SLC25A21: variants seen among roughly 807,000 people sequenced by gnomAD.
The protein encoded by SLC25A21 is solute carrier family 25 member 21.
In SLC25A21, 47 loss-of-function variants were observed where a neutral mutation model predicts 43.8. The observed-to-expected ratio is 1.07, with a 90% confidence interval of 0.85 to 1.37. The LOEUF is 1.37. SLC25A21 is among the 40% of genes most tolerant of loss of function. The probability of loss-of-function intolerance (pLI) is 0.00; values close to 1 mark genes in which losing one functional copy is unlikely to be tolerated. For synonymous variants in SLC25A21, 131 were observed against 121.3 expected, an observed-to-expected ratio of 1.08 and a Z score of -0.52; for missense variants, 352 against 350.2, an observed-to-expected ratio of 1.00 and a Z score of -0.04.
chr14:36,964,687 A>C (rs1394004654), intron 1 of SLC25A21, among the ~76,000 whole-genome samples: 1 of 152,074 alleles, frequency 6.6e-6, no homozygotes, highest in Non-Finnish European at 1.5e-5. Context: ...TTAAGCAGTG[A>C]CTATAAATAT....
chr14:36,889,287 A>G (rs1476529498), intron 1 of SLC25A21, among the ~76,000 whole-genome samples: 1 of 152,226 alleles, frequency 6.6e-6, no homozygotes, highest in Non-Finnish European at 1.5e-5. Context: ...GATAATCTTT[A>G]TTTCCACAAG....
At chr14:36,826,872 G>A (rs1176524776) in intron 2 of SLC25A21, among the ~76,000 whole-genome samples, 1 of 152,132 alleles carries the variant, frequency 6.6e-6, no homozygotes, top group Non-Finnish European at 1.5e-5. Flanking sequence ...CCCCTCATGC[G>A]CCATCAATGG....
At chr14:36,878,027 C>T (rs755986287) in intron 1 of SLC25A21, among the ~76,000 whole-genome samples, 1 of 152,152 alleles carries the variant, frequency 6.6e-6, no homozygotes, top group African/African-American at 2.4e-5. Context: ...TCCCAATAAT[C>T]TAATCATCTT....
intron 1 of SLC25A21, among the ~76,000 whole-genome samples, chr14:36,942,564 C>A (rs570093555): frequency 3.9e-5 from 6 of 152,154 alleles, no homozygotes; most frequent in African/African-American, 1.4e-4. Context: ...ACTATGCAAC[C>A]AAATGTTATG....
chr14:37,038,155 G>A (rs1471920159), intron 1 of SLC25A21, among the ~76,000 whole-genome samples: 1 of 152,034 alleles, frequency 6.6e-6, no homozygotes, highest in Non-Finnish European at 1.5e-5. Context: ...TGCTTTCCTG[G>A]CTGCCATGCC....
intron 1 of SLC25A21, among the ~76,000 whole-genome samples, chr14:37,143,589 C>CCTGT (rs112161063): frequency 8.8e-5 from 13 of 148,538 alleles, no homozygotes; most frequent in African/African-American, 2.7e-4. Flanking sequence ...TGTTCATTAG[C>CCTGT]GTGTGTGTGT....
chr14:36,967,437 G>T (rs1006947655), intron 1 of SLC25A21, among the ~76,000 whole-genome samples: 3 of 152,158 alleles, frequency 2.0e-5, no homozygotes, highest in African/African-American at 7.2e-5. Context: ...GGAGTCAATA[G>T]AGAAGAACTT....
chr14:37,063,302 C>G (rs527621801), intron 1 of SLC25A21, among the ~76,000 whole-genome samples: 2 of 152,014 alleles, frequency 1.3e-5, no homozygotes, highest in Non-Finnish European at 2.9e-5. Flanking sequence ...GAGTTCAAGA[C>G]CAGCCTGATG....
At chr14:36,975,347 C>T (rs183507041) in intron 1 of SLC25A21, among the ~76,000 whole-genome samples, 1 of 152,258 alleles carries the variant, frequency 6.6e-6, no homozygotes, top group African/African-American at 2.4e-5. Context: ...TAATCAAATA[C>T]CTCCTGTACC....
intron 1 of SLC25A21, among the ~76,000 whole-genome samples, chr14:37,075,668 A>G (rs552997205): frequency 4.6e-5 from 7 of 152,338 alleles, no homozygotes; most frequent in Admixed American, 4.6e-4. Flanking sequence ...TAAAGAGAAG[A>G]CATCCCAGTT....
chr14:36,896,705 C>T (rs1326568096), intron 1 of SLC25A21, among the ~76,000 whole-genome samples: 2 of 152,170 alleles, frequency 1.3e-5, no homozygotes, highest in Admixed American at 6.5e-5. Context: ...TTTAGTACTT[C>T]CTTCAAGAGC....
intron 1 of SLC25A21, among the ~76,000 whole-genome samples, chr14:36,922,734 G>A (rs1207298017): frequency 6.6e-6 from 1 of 152,094 alleles, no homozygotes; most frequent in African/African-American, 2.4e-5. Flanking sequence ...AGACTCCAGA[G>A]GGGTCACATT....
chr14:37,098,804 G>GC lies in SLC25A21; in HGVS notation c.70+73476_70+73477insG, dbSNP rs1962759413. ...AGACAGACAGATAGATAGATAGATA[G>GC]ATTTTTTTTTTTTTTTGAGACAAAG... On this transcript the variant is annotated intron_variant, in intron 1 of 9. Coordinates refer to ENST00000331299, the MANE Select transcript of SLC25A21 (RefSeq NM_030631.4). 6.4e-5 allele frequency among the ~76,000 whole-genome samples: 3 copies of GC among 46,858 alleles called. 1 individual carries two copies. The South Asian group carries it at 4.4e-3, about 69-fold the overall frequency. The allele number at this position is 46,858 out of a possible 152,430, so 30.7% of individuals were successfully genotyped here. A position where few individuals can be genotyped will look rare whatever the true frequency, so the allele number is the denominator to read the frequency against.
chr14:37,166,904 A>G (rs1161070572), intron 1 of SLC25A21, among the ~76,000 whole-genome samples: 2 of 152,226 alleles, frequency 1.3e-5, no homozygotes, highest in East Asian at 3.8e-4. Flanking sequence ...ATCCTGCTAT[A>G]TATTCTAACA....
At chr14:37,099,885 C>G (rs1308320021) in intron 1 of SLC25A21, among the ~76,000 whole-genome samples, 1 of 152,020 alleles carries the variant, frequency 6.6e-6, no homozygotes, top group Non-Finnish European at 1.5e-5. Context: ...CACACTTACT[C>G]TTTATATATT....
intron 1 of SLC25A21, among the ~76,000 whole-genome samples, chr14:36,951,481 T>C (rs896260073): frequency 1.3e-5 from 2 of 152,198 alleles, no homozygotes; most frequent in African/African-American, 4.8e-5. Context: ...TGAACAGACC[T>C]TGATTATTCT....
intron 5 of SLC25A21, among the ~76,000 whole-genome samples, chr14:36,727,827 T>C (rs1195774696): frequency 7.9e-5 from 12 of 152,270 alleles, no homozygotes; most frequent in Middle Eastern, 6.8e-3. Flanking sequence ...GGGTAACTCA[T>C]CAAATATTTT....
chr14:37,125,241 T>C (rs1226801776), intron 1 of SLC25A21, among the ~76,000 whole-genome samples: 4 of 152,162 alleles, frequency 2.6e-5, no homozygotes, highest in Admixed American at 6.5e-5. Context: ...ACTCTTCTGA[T>C]AAAAGAACAA....
chr14:36,810,642 T>TTA (rs1487447183), intron 3 of SLC25A21, among the ~76,000 whole-genome samples: 1 of 152,078 alleles, frequency 6.6e-6, no homozygotes, highest in Non-Finnish European at 1.5e-5. Flanking sequence ...TATAGAAGAG[T>TTA]TATCATCTCT....
Sources: allele counts gnomAD v4.1 joint callset (sites outside exome capture counted in the v4.1 genomes callset), GRCh38; gene constraint gnomAD v4.1.1; transcripts MANE v1.5; gene names NCBI Gene and HGNC (gene_info 2026-07-23, HGNC 2026-07-21).